Variants in TOP6BL observed in about 807,000 individuals in gnomAD.
TOP6BL encodes the protein type 2 DNA topoisomerase 6 subunit B-like.
chr11:66,814,152 G>C, the TOP6BL span: 2 of 955,870 alleles, frequency 2.1e-6, no homozygotes, highest in East Asian at 5.3e-5. Context: ...GGGGGTCAGG[G>C]TCTGGCCAAA....
chr11:66,800,300 T>G, the TOP6BL span, among the ~76,000 whole-genome samples: 1 of 152,112 alleles, frequency 6.6e-6, no homozygotes, highest in African/African-American at 2.4e-5. Flanking sequence ...GAGGAATAAG[T>G]CTTTAGAATC....
chr11:66,748,591 A>G, the TOP6BL span: 20 of 1,181,900 alleles, frequency 1.7e-5, no homozygotes, highest in Non-Finnish European at 2.2e-5. Context: ...AAAAATTTCA[A>G]TTAGAATCTT....
the TOP6BL span, chr11:66,838,550 G>A: frequency 1.6e-4 from 164 of 1,035,760 alleles, no homozygotes; most frequent in African/African-American, 1.5e-4. Context: ...CTACAGCGGC[G>A]TCCTTCTGCA....
the TOP6BL span, among the ~76,000 whole-genome samples, chr11:66,782,920 C>A: frequency 3.3e-5 from 5 of 152,266 alleles, no homozygotes; most frequent in South Asian, 4.1e-4. Context: ...CTCCTTATCC[C>A]CACATGATCT....
chr11:66,824,908 T>C, the TOP6BL span, among the ~76,000 whole-genome samples: 2 of 152,174 alleles, frequency 1.3e-5, no homozygotes, highest in Admixed American at 6.5e-5. Flanking sequence ...AATAAACATA[T>C]GTGTGCATGT....
chr11:66,798,464 G>T, the TOP6BL span, among the ~76,000 whole-genome samples: 13 of 151,904 alleles, frequency 8.6e-5, no homozygotes, highest in African/African-American at 2.7e-4. Flanking sequence ...GTCGGGTGTG[G>T]TTCCATGCAC....
the TOP6BL span, among the ~76,000 whole-genome samples, chr11:66,776,288 A>C: frequency 6.6e-6 from 1 of 151,842 alleles, no homozygotes; most frequent in South Asian, 2.1e-4. Context: ...TGAACTCCTG[A>C]CCTCAAGTGA....
At chr11:66,812,576 G>C in the TOP6BL span, among the ~76,000 whole-genome samples, 6 of 152,048 alleles carry the variant, frequency 3.9e-5, no homozygotes, top group African/African-American at 1.2e-4. Flanking sequence ...TTCATTTATG[G>C]GTATAAAGCC....
At chr11:66,818,930 T>C in the TOP6BL span, among the ~76,000 whole-genome samples, 1 of 152,244 alleles carries the variant, frequency 6.6e-6, no homozygotes, top group African/African-American at 2.4e-5. Flanking sequence ...AGTATCTCAG[T>C]TGTTGTACTC....
chr11:66,812,440 T>C, the TOP6BL span, among the ~76,000 whole-genome samples: 1 of 152,098 alleles, frequency 6.6e-6, no homozygotes, highest in Admixed American at 6.5e-5. Flanking sequence ...CCTCCCAAAG[T>C]GCTGGGATTA....
the TOP6BL span, among the ~76,000 whole-genome samples, chr11:66,753,694 C>T: frequency 3.1e-4 from 47 of 151,926 alleles, no homozygotes; most frequent in Admixed American, 6.6e-5. Flanking sequence ...GCGTGAGCCA[C>T]CGCGCCCGGC....
At chr11:66,828,354 A>G in the TOP6BL span, 1 of 1,608,926 alleles carries the variant, frequency 6.2e-7, no homozygotes, top group Non-Finnish European at 8.5e-7. Context: ...TGCTCATGTG[A>G]GGTGAAGCAG....
the TOP6BL span, among the ~76,000 whole-genome samples, chr11:66,746,931 A>T: frequency 1.3e-5 from 2 of 151,916 alleles, no homozygotes; most frequent in Non-Finnish European, 2.9e-5. Flanking sequence ...TTTGTCTCGA[A>T]TAAATGTGTT....
chr11:66,754,228 C>G, the TOP6BL span, among the ~76,000 whole-genome samples: 8 of 152,304 alleles, frequency 5.3e-5, no homozygotes, highest in Admixed American at 2.6e-4. Flanking sequence ...AACCCTTGTT[C>G]TTTGGTTCTG....
At chr11:66,799,985 G>A in the TOP6BL span, among the ~76,000 whole-genome samples, 2 of 151,616 alleles carry the variant, frequency 1.3e-5, no homozygotes, top group Non-Finnish European at 2.9e-5. Flanking sequence ...GGAGGCTGGG[G>A]TGGGAGGATC....
chr11:66,842,883 G>A, the TOP6BL span: 1 of 1,575,784 alleles, frequency 6.3e-7, no homozygotes, highest in Non-Finnish European at 8.6e-7. Context: ...AGAGGCTCAA[G>A]AGGGGCAGCC....
the TOP6BL span, among the ~76,000 whole-genome samples, chr11:66,776,552 T>G: frequency 1.3e-5 from 2 of 148,612 alleles, no homozygotes; most frequent in Admixed American, 6.7e-5. Context: ...CTTTGGGAGG[T>G]CAAGATTGGA....
At chr11:66,775,507 A>G in the TOP6BL span, among the ~76,000 whole-genome samples, 1 of 152,186 alleles carries the variant, frequency 6.6e-6, no homozygotes, top group South Asian at 2.1e-4. Flanking sequence ...ATGAAATGTG[A>G]GTGGAAGTGA....
chr11:66,767,649 A>G, the TOP6BL span, among the ~76,000 whole-genome samples: 12 of 152,252 alleles, frequency 7.9e-5, no homozygotes, highest in Admixed American at 7.2e-4. Flanking sequence ...TTTTTTCTTC[A>G]TAAGACTAGA....
Sources: allele counts gnomAD v4.1 joint callset (sites outside exome capture counted in the v4.1 genomes callset), GRCh38; gene constraint gnomAD v4.1.1; transcripts MANE v1.5; gene names NCBI Gene and HGNC (gene_info 2026-07-23, HGNC 2026-07-21).